Variants in PP2D1 observed in about 807,000 individuals in gnomAD.
PP2D1 encodes protein phosphatase 2C like domain containing 1.
In PP2D1, 25 loss-of-function variants were observed where a neutral mutation model predicts 30.2. That is an observed-to-expected ratio of 0.83 (90% CI 0.60 to 1.16). The LOEUF is 1.16. PP2D1 is among the 50% of genes most tolerant of loss of function. PP2D1 has a pLI of 0.00. For missense variants in PP2D1, 760 were observed against 742.4 expected, an observed-to-expected ratio of 1.02 and a Z score of -0.28; for synonymous variants, 260 against 258.9, an observed-to-expected ratio of 1.00 and a Z score of -0.04.
intron 2 of PP2D1, among the ~76,000 whole-genome samples, chr3:19,990,373 T>C (rs189319567): frequency 6.6e-6 from 1 of 152,330 alleles, no homozygotes; most frequent in Admixed American, 6.5e-5. Flanking sequence ...CTCAAACTCC[T>C]GGGCTCAATC....
At position 20,001,697 on chromosome 3, in the gene PP2D1, T is replaced by G. The variant is rs1414651222; in HGVS notation, c.423A>C (p.Lys141Asn). ...INNAFELLWK[K>N]QIPAYYKIFD... ...AAATCTTATAGTATGCTGGTATTTG[T>G]TTTTTCCAAAGCAGCTCAAAAGCAT... Residue 141 changes from lysine to asparagine, a missense_variant, in exon 2 of 3, where the codon AAA (lysine) becomes AAC (asparagine). Coordinates refer to ENST00000389050, the MANE Select transcript of PP2D1 (RefSeq NM_001252657.2). 1 of 1,534,204 alleles carries G rather than the reference T, an allele frequency of 6.5e-7. No individual in the cohort carries two copies. Among genetic ancestry groups the G allele is most frequent in the Admixed American group, 2.0e-5 (1 of 50,582 alleles).
chr3:20,011,156 C>T (rs574982945), intron 1 of PP2D1, among the ~76,000 whole-genome samples: 10 of 152,096 alleles, frequency 6.6e-5, no homozygotes, highest in East Asian at 3.9e-4. Context: ...ATCAGTTAGC[C>T]GGCAGAAGGA....
chr3:19,987,049 A>T (rs937480175), intron 2 of PP2D1, among the ~76,000 whole-genome samples: 1 of 152,070 alleles, frequency 6.6e-6, no homozygotes, highest in Admixed American at 6.6e-5. Context: ...AAAAAAAAAA[A>T]AAAAATCATT....
downstream of PP2D1, chr3:19,984,803 C>A (rs1697001841): frequency 2.0e-5 from 3 of 153,048 alleles, no homozygotes; most frequent in Admixed American, 1.3e-4. Context: ...TGTACTGTTA[C>A]TAAAACAGCT....
At chr3:20,003,238 G>A (rs1183310801) in intron 1 of PP2D1, among the ~76,000 whole-genome samples, 1 of 151,794 alleles carries the variant, frequency 6.6e-6, no homozygotes, top group Non-Finnish European at 1.5e-5. Flanking sequence ...GGCCCTCCAG[G>A]AGGTATTCCA....
At chr3:20,009,549 G>A (rs2125148694) in intron 1 of PP2D1, among the ~76,000 whole-genome samples, 1 of 152,266 alleles carries the variant, frequency 6.6e-6, no homozygotes, top group South Asian at 2.1e-4. Context: ...AATTAAAAAT[G>A]AATGGAAAAT....
At position 19,985,377 on chromosome 3, in the gene PP2D1, T is replaced by A; in HGVS notation, c.*3A>T. 6.6e-7 allele frequency: 1 copy of A among 1,515,202 alleles called. No individual in the cohort carries two copies. The highest frequency in any genetic ancestry group is 8.8e-7 in the Non-Finnish European group (1 of 1,136,148). The allele number at this position is 1,515,202 out of a possible 1,614,324, so 93.9% of individuals were successfully genotyped here. A position where few individuals can be genotyped will look rare whatever the true frequency, so the allele number is the denominator to read the frequency against. On this transcript the variant is annotated 3_prime_UTR_variant, in exon 3 of 3. Transcript: ENST00000389050. ...TGCTCTGGATAATTGGAACTTTATT[T>A]TTTTATGTCAGAAGCTGATATTCAC... is the stretch of plus-strand genomic sequence containing the variant.
chr3:19,982,625 A>G (rs768920531), downstream of PP2D1, among the ~76,000 whole-genome samples: 6 of 152,020 alleles, frequency 3.9e-5, no homozygotes, highest in Non-Finnish European at 8.8e-5. Context: ...GAGGCGGAAG[A>G]GTTGCTTGAG....
rs1438385851 is a variant in PP2D1 at position 20,001,604 on chromosome 3, G to A, written c.516C>T (p.Gly172=). The stretch of plus-strand genomic sequence containing the variant: ...ATGTAGAATTCCTGTCTTCACAAAT[G>A]CCCACTCCTTTAATTAACAGATGAC... The part of the protein sequence containing the change: ...KICHLLIKGV[G]ICEDRNSTWK... Residue 172 remains glycine (G), a synonymous_variant, in exon 2 of 3, where the codon GGC becomes GGT. Coordinates refer to ENST00000389050, the MANE Select transcript of PP2D1 (RefSeq NM_001252657.2). The A allele has an allele frequency of 1.3e-6, 2 of 1,536,146 alleles. No individual in the cohort carries two copies. The highest frequency in any genetic ancestry group is 1.7e-6 in the Non-Finnish European group (2 of 1,146,916).
chr3:19,991,002 A>G lies in PP2D1; in HGVS notation c.1091-4820T>C, dbSNP rs574737012. ...CTAACCAAGCAATGAACTGTGTTGA[A>G]GACCACTACACAATTTTAATCTAAG... is the stretch of plus-strand genomic sequence containing the variant. On this transcript the variant is annotated intron_variant, in intron 2 of 2. Transcript: ENST00000389050. Among the ~76,000 whole-genome samples, 14 of 152,354 alleles carry G rather than the reference A, an allele frequency of 9.2e-5. No individual in the cohort carries two copies. In the East Asian group the frequency reaches 2.3e-3, roughly 25 times the overall value.
intron 1 of PP2D1, among the ~76,000 whole-genome samples, chr3:20,009,712 T>G (rs1239862032): frequency 6.6e-6 from 1 of 152,144 alleles, no homozygotes; most frequent in Non-Finnish European, 1.5e-5. Flanking sequence ...GCAAAAGGGC[T>G]TTAGCAACCT....
intron 2 of PP2D1, among the ~76,000 whole-genome samples, chr3:19,990,621 C>G (rs1471691805): frequency 6.6e-6 from 1 of 152,188 alleles, no homozygotes; most frequent in African/African-American, 2.4e-5. Flanking sequence ...TCAATAGTTT[C>G]ATTTTGTAAC....
chr3:20,010,175 G>A (rs1697368134), intron 1 of PP2D1, among the ~76,000 whole-genome samples: 1 of 151,974 alleles, frequency 6.6e-6, no homozygotes, highest in African/African-American at 2.4e-5. Context: ...TCGGCTCACT[G>A]ACATCTGCCT....
At position 19,985,491 on chromosome 3, in the gene PP2D1, A is replaced by T; in HGVS notation, c.1782T>A (p.Ala594=). The T allele has an allele frequency of 6.5e-7, 1 of 1,536,108 alleles. No homozygotes were observed. ...TTACAAGTTCATGGCTAACATACTC[A>T]GCTGCGCCTTCATAGAAACTCTTAG... ...SDTKSFYEGA[A]EYVSHELVNA... is the part of the protein sequence containing the mutation. Residue 594 remains alanine, a synonymous_variant, in exon 3 of 3, where the codon GCT becomes GCA. Transcript: ENST00000389050.
Position 20,001,879 on chromosome 3 carries a change from G to A in PP2D1, c.241C>T (p.His81Tyr), listed in dbSNP as rs1397459109. ...GCCAGAGCTACATGTTGCTTCTTAT[G>A]GAGAAAAATACCAGTTAGGTCAATT... ...HEIDLTGIFL[H>Y]KKQHVALATL... is the part of the protein sequence containing the mutation. The change falls in exon 2 of 3, where the codon CAT (histidine) becomes TAT (tyrosine). Residue 81 changes from histidine to tyrosine, a missense_variant. Physicochemically the swap from His to Tyr is moderately conservative, Grantham distance 83. Coordinates refer to ENST00000389050, the MANE Select transcript of PP2D1 (RefSeq NM_001252657.2). The A allele has an allele frequency of 1.3e-6, 2 of 1,536,102 alleles. No individual in the cohort carries two copies. The highest frequency in any genetic ancestry group is 2.4e-5 in the South Asian group (2 of 84,014).
At chr3:20,005,155 A>T (rs34976501) in intron 1 of PP2D1, among the ~76,000 whole-genome samples, 102,936 of 139,954 alleles carry the variant, frequency 0.74, 35,367 homozygotes, top group African/African-American at 0.78. Context: ...TTTTTTTTTT[A>T]AATTTATTTT....
At position 20,001,791 on chromosome 3, in the gene PP2D1, C is replaced by A; in HGVS notation, c.329G>T (p.Arg110Ile). ...CAATAGTTTAGAAATCATGAACTGT[C>A]TCTGAACAGCAATCACTGAGGGCTG... ...KPQPSVIAVQ[R>I]QFMISKLLSS... The change falls in exon 2 of 3, where the codon AGA becomes ATA. Residue 110 changes from arginine (R) to isoleucine (I), a missense_variant. Physicochemically the swap from Arg to Ile is moderately conservative, Grantham distance 97 (BLOSUM62 -3). Around this residue, in one of 3 missense-constraint regions of PP2D1, gnomAD observed 374 missense variants for 388.8 expected, o/e 0.96. Transcript: ENST00000389050. 6.5e-7 allele frequency: 1 copy of A among 1,535,028 alleles called. No individual in the cohort carries two copies. Among genetic ancestry groups the A allele is most frequent in the Non-Finnish European group, 8.7e-7 (1 of 1,146,548 alleles).
intron 1 of PP2D1, among the ~76,000 whole-genome samples, chr3:20,005,145 T>A (rs13097683): frequency 0.36 from 30,183 of 83,660 alleles, 3,207 homozygotes; most frequent in South Asian, 0.47. Flanking sequence ...ATATATACAT[T>A]TTTTTTTTTA....
intron 2 of PP2D1, among the ~76,000 whole-genome samples, chr3:19,992,233 C>A (rs1697127505): frequency 6.6e-6 from 1 of 152,106 alleles, no homozygotes; most frequent in African/African-American, 2.4e-5. Flanking sequence ...TCATTGCTCA[C>A]CATTGTACCC....
Sources: allele counts gnomAD v4.1 joint callset (sites outside exome capture counted in the v4.1 genomes callset), GRCh38; gene constraint gnomAD v4.1.1; regional missense constraint gnomAD v4.1.1; transcripts MANE v1.5; gene names NCBI Gene and HGNC (gene_info 2026-07-23, HGNC 2026-07-21).